The following PCSK5 variants were observed in gnomAD, a reference collection of about 807,000 sequenced individuals.
PCSK5 encodes proprotein convertase subtilisin/kexin type 5.
A neutral mutation model predicts 233.2 loss-of-function variants in PCSK5; 129 were observed. That is an observed-to-expected ratio of 0.55 (90% CI 0.48 to 0.64). The LOEUF (loss-of-function observed/expected upper bound fraction) is 0.64. Among genes scored for constraint, PCSK5 ranks in the 30% least tolerant of loss-of-function variants. The pLI, the probability that PCSK5 is intolerant of heterozygous loss-of-function variation, is 0.00. For synonymous variants in PCSK5, 825 were observed against 879.2 expected, an observed-to-expected ratio of 0.94 and a Z score of 1.09; for missense variants, 2,076 against 2,430.1, an observed-to-expected ratio of 0.85 and a Z score of 3.06.
intron 37 of PCSK5, among the ~76,000 whole-genome samples, chr9:76,356,741 C>T (rs1830312980): frequency 6.6e-6 from 1 of 152,110 alleles, no homozygotes; most frequent in Non-Finnish European, 1.5e-5. Flanking sequence ...AAGAGAAATA[C>T]ATAGTCATGA....
At chr9:75,965,492 C>T (rs1289297970) in intron 2 of PCSK5, among the ~76,000 whole-genome samples, 1 of 152,174 alleles carries the variant, frequency 6.6e-6, no homozygotes, top group Non-Finnish European at 1.5e-5. Context: ...GACCAGTGCC[C>T]CAGCTCATGC....
At chr9:76,230,497 C>G (rs780792300) in intron 21 of PCSK5, among the ~76,000 whole-genome samples, 2 of 152,202 alleles carry the variant, frequency 1.3e-5, no homozygotes, top group African/African-American at 2.4e-5. Flanking sequence ...GATTTCCCCC[C>G]CAAACCAATC....
chr9:75,902,679 G>A (rs182859099), intron 1 of PCSK5, among the ~76,000 whole-genome samples: 1 of 152,208 alleles, frequency 6.6e-6, no homozygotes. Context: ...TTATCAGTGC[G>A]TGGAAGAAGA....
intron 2 of PCSK5, among the ~76,000 whole-genome samples, chr9:75,939,656 A>G (rs1033950202): frequency 6.6e-6 from 1 of 152,200 alleles, no homozygotes; most frequent in African/African-American, 2.4e-5. Context: ...AGGGTAGGGC[A>G]TATTTGACTT....
chr9:76,291,257 A>T lies in PCSK5; in HGVS notation c.3143-976A>T, dbSNP rs146539736. Among the ~76,000 whole-genome samples, 144 of 152,340 alleles carry T rather than the reference A, an allele frequency of 9.5e-4. 2 individuals are homozygous for T. The highest frequency in any genetic ancestry group is 3.4e-3 in the Middle Eastern group (1 of 294). On this transcript the variant is annotated intron_variant, in intron 24 of 37. Coordinates refer to ENST00000674117, the MANE Select transcript of PCSK5 (RefSeq NM_001372043.1). ...TGAGTGAGGTTGTGTCTACCTCCTA[A>T]GGGCAGTCTGAAAAAACCAGAAGAG...
chr9:76,094,248 T>C (rs1308584116), intron 7 of PCSK5, among the ~76,000 whole-genome samples: 2 of 152,222 alleles, frequency 1.3e-5, no homozygotes, highest in Non-Finnish European at 2.9e-5. Context: ...TGTCTCTTTT[T>C]CTTCGGCTCT....
chr9:76,095,999 T>A lies in PCSK5; in HGVS notation c.1004T>A (p.Ile335Asn). ...ACCAACAGCATCTACACCATCTCCATCAGCAGCACTGCAGAAAGCGGAAAG... is the reference window on the plus strand; with the variant it reads ...ACCAACAGCATCTACACCATCTCCAACAGCAGCACTGCAGAAAGCGGAAAG... ...GYTNSIYTIS[I>N]SSTAESGKKP... Residue 335 changes from isoleucine to asparagine, a missense_variant, in exon 8 of 38, where the codon ATC (isoleucine) becomes AAC (asparagine). Coordinates refer to ENST00000674117, the MANE Select transcript of PCSK5 (RefSeq NM_001372043.1). The A allele has an allele frequency of 6.2e-7, 1 of 1,614,136 alleles. No homozygotes were observed. Among genetic ancestry groups the A allele is most frequent in the Non-Finnish European group, 8.5e-7 (1 of 1,180,002 alleles).
rs199532227 is a variant in PCSK5 at position 76,136,549 on chromosome 9, G to A, written c.1312+2337G>A. 2.6e-5 allele frequency among the ~76,000 whole-genome samples: 4 copies of A among 152,146 alleles called. No individual in the cohort carries two copies. The East Asian group carries it at 5.8e-4, about 22-fold the overall frequency. On this transcript the variant is annotated intron_variant, in intron 10 of 37. Coordinates refer to ENST00000674117, the MANE Select transcript of PCSK5 (RefSeq NM_001372043.1). ...TATTTCTCCTTAGACTGGGAAAACGGAAGTTGCCTGCCTACAGAAGTGTGT... is the reference window on the plus strand; with the variant it reads ...TATTTCTCCTTAGACTGGGAAAACGAAAGTTGCCTGCCTACAGAAGTGTGT...
In PCSK5 at chr9:76,296,829, G is replaced by A; in HGVS notation, c.3487G>A (p.Ala1163Thr). ...GCTGCTGCGTGGGATGTGCGTGCAT[G>A]CCACCAAGACCCAGGAGGAGGGCAA... is the stretch of plus-strand genomic sequence containing the variant. ...LQLLRGMCVH[A>T]TKTQEEGKFW... Residue 1163 changes from alanine to threonine, a missense_variant, in exon 27 of 38, where the codon GCC (alanine) becomes ACC (threonine). Transcript: ENST00000674117. 1 of 1,612,232 alleles carries A rather than the reference G, an allele frequency of 6.2e-7. No individual in the cohort carries two copies. Among genetic ancestry groups the A allele is most frequent in the South Asian group, 1.1e-5 (1 of 91,044 alleles).
intron 23 of PCSK5, among the ~76,000 whole-genome samples, chr9:76,239,415 C>T (rs1414157238): frequency 2.6e-5 from 4 of 152,094 alleles, no homozygotes; most frequent in Non-Finnish European, 5.9e-5. Flanking sequence ...AGAAAATTGG[C>T]CAGGTGCAGT....
intron 24 of PCSK5, among the ~76,000 whole-genome samples, chr9:76,254,814 G>A (rs1587808610): frequency 2.6e-5 from 4 of 152,210 alleles, no homozygotes; most frequent in Admixed American, 2.6e-4. Context: ...GGGATATAAA[G>A]ATGAATAAAG....
At chr9:76,247,173 G>A (rs145833732) in intron 24 of PCSK5, among the ~76,000 whole-genome samples, 103 of 152,322 alleles carry the variant, frequency 6.8e-4, no homozygotes, top group African/African-American at 2.2e-3. Context: ...GAGCACAGTG[G>A]ACACCCTGCC....
chr9:75,953,945 C>T (rs988747365), intron 2 of PCSK5, among the ~76,000 whole-genome samples: 8 of 152,110 alleles, frequency 5.3e-5, no homozygotes, highest in East Asian at 1.9e-4. Flanking sequence ...CACCTTAAAG[C>T]AGTAATTTGG....
In PCSK5 at chr9:76,360,990, C is replaced by T. The variant is rs1171330356; in HGVS notation, c.*2068C>T. ...TACTTTGCTGACTTTATCTTTAAAACAGTTTTCAGAGATCATACATGTACA... is the reference window on the plus strand; with the variant it reads ...TACTTTGCTGACTTTATCTTTAAAATAGTTTTCAGAGATCATACATGTACA... On this transcript the variant is annotated 3_prime_UTR_variant, in exon 38 of 38. Transcript: ENST00000674117. 6.6e-6 allele frequency: 1 copy of T among 152,090 alleles called. No individual in the cohort carries two copies. The highest frequency in any genetic ancestry group is 1.9e-4 in the East Asian group (1 of 5,200). 9.4% of individuals were successfully genotyped at this position (152,090 alleles called of 1,614,324 possible). A position where few individuals can be genotyped will look rare whatever the true frequency, so the allele number is the denominator to read the frequency against.
intron 20 of PCSK5, among the ~76,000 whole-genome samples, chr9:76,221,827 C>A (rs937289435): frequency 6.6e-6 from 1 of 152,086 alleles, no homozygotes; most frequent in African/African-American, 2.4e-5. Context: ...CATGAGGTTG[C>A]CAGAGTAGCA....
At chr9:75,906,281 A>G in intron 1 of PCSK5, among the ~76,000 whole-genome samples, 1 of 152,068 alleles carries the variant, frequency 6.6e-6, no homozygotes, top group Non-Finnish European at 1.5e-5. Flanking sequence ...GCTGGAGTGC[A>G]GTGGCGCAAT....
In PCSK5 at chr9:76,350,814, G is replaced by A; in HGVS notation, c.4967-14G>A. On this transcript the variant is annotated splice_polypyrimidine_tract_variant and intron_variant, in intron 35 of 37. Transcript: ENST00000674117. ...TAAGGTCAATCTCATAACTTAGAAT[G>A]TTTTCTCTTTCAGGAAAAGGAGCGT... 6.7e-7 allele frequency: 1 copy of A among 1,494,008 alleles called. No homozygotes were observed. Among genetic ancestry groups the A allele is most frequent in the Non-Finnish European group, 9.3e-7 (1 of 1,072,900 alleles). The allele number at this position is 1,494,008 out of a possible 1,614,324, so 92.5% of individuals were successfully genotyped here.
chr9:76,270,142 C>T (rs1157011687), intron 24 of PCSK5, among the ~76,000 whole-genome samples: 1 of 151,938 alleles, frequency 6.6e-6, no homozygotes, highest in Non-Finnish European at 1.5e-5. Flanking sequence ...TTTACATGAA[C>T]CAGCAATTCG....
chr9:76,351,533 G>GAAAGAAAGAAAGAAAGAAAGAGAGA (rs1354864321), intron 36 of PCSK5, among the ~76,000 whole-genome samples: 1 of 15,824 alleles, frequency 6.3e-5, no homozygotes, highest in Non-Finnish European at 2.7e-4. Flanking sequence ...AGAAAGAAAG[G>GAAAGAAAGAAAGAAAGAAAGAGAGA]AAGGAAAGAA....
Sources: allele counts gnomAD v4.1 joint callset (sites outside exome capture counted in the v4.1 genomes callset), GRCh38; gene constraint gnomAD v4.1.1; transcripts MANE v1.5; gene names NCBI Gene and HGNC (gene_info 2026-07-23, HGNC 2026-07-21).